Variants in DGKI observed in about 807,000 individuals in gnomAD.
DGKI encodes the protein DAG kinase iota.
In DGKI, 55 loss-of-function variants were observed where a neutral mutation model predicts 147.5. The ratio of observed to expected loss-of-function variants is 0.37; its 90% CI spans 0.30 to 0.47. The LOEUF is 0.47. Ranked by LOEUF, DGKI falls within the 20% of genes least tolerant of loss-of-function variation. The pLI is 1.00. For missense variants in DGKI, 1,007 were observed against 1,323.8 expected (o/e 0.76, Z 3.71); for synonymous variants, 469 against 477.1 (o/e 0.98, Z 0.22).
chr7:137,557,714 G>A (rs141129498), intron 19 of DGKI, among the ~76,000 whole-genome samples: 1,956 of 152,130 alleles, frequency 0.013, 28 homozygotes, highest in Non-Finnish European at 0.018. Context: ...CTCTCCAGGC[G>A]AACCTGTCCC....
intron 21 of DGKI, among the ~76,000 whole-genome samples, chr7:137,510,492 G>C (rs1467247282): frequency 3.3e-5 from 5 of 152,200 alleles, no homozygotes; most frequent in African/African-American, 9.6e-5. Flanking sequence ...GATAACAAAG[G>C]CTTGACTGTG....
rs962911804 is a variant in DGKI at position 137,767,567 on chromosome 7, AGAGAAG to A, written c.402-77571_402-77566del. 6.6e-5 allele frequency among the ~76,000 whole-genome samples: 10 copies of A among 151,050 alleles called. No individual in the cohort carries two copies. The East Asian group carries it at 7.8e-4, about 12-fold the overall frequency. ...AGGAAGAGGAAGAGAAGAGAAGAGA[AGAGAAG>A]GAGAAGGAGAAGAGAAGAGAAGAGA... On this transcript the variant is annotated intron_variant, in intron 1 of 32. Transcript: ENST00000614521.
At chr7:137,577,382 C>T in intron 16 of DGKI, 98 bp from the exon 17 acceptor site, 1 of 847,336 alleles carries the variant, frequency 1.2e-6, no homozygotes, top group South Asian at 1.6e-5. Flanking sequence ...CCAAAGTATG[C>T]AAAAATTCTA....
chr7:137,468,959 G>T (rs552623561), intron 24 of DGKI, among the ~76,000 whole-genome samples: 8 of 152,218 alleles, frequency 5.3e-5, no homozygotes, highest in Non-Finnish European at 8.8e-5. Flanking sequence ...TGCAATACGG[G>T]TAATTGGATA....
chr7:137,542,020 A>G (rs1165305253), intron 20 of DGKI, among the ~76,000 whole-genome samples: 1 of 152,330 alleles, frequency 6.6e-6, no homozygotes, highest in East Asian at 1.9e-4. Flanking sequence ...TGCAGAATAC[A>G]TGATGAACTC....
At chr7:137,563,240 A>G (rs750721405) in intron 19 of DGKI, among the ~76,000 whole-genome samples, 62 of 152,030 alleles carry the variant, frequency 4.1e-4, no homozygotes, top group Non-Finnish European at 7.8e-4. Context: ...GAAAGTAGGA[A>G]TGAAATGGAA....
At chr7:137,469,432 A>G in intron 24 of DGKI, 118 bp downstream of exon 24, 1 of 921,800 alleles carries the variant, frequency 1.1e-6, no homozygotes. Context: ...AGCCATGTGG[A>G]GTCACATGAA....
At chr7:137,392,188 C>T (rs1177497822) in intron 32 of DGKI, among the ~76,000 whole-genome samples, 1 of 152,020 alleles carries the variant, frequency 6.6e-6, no homozygotes, top group South Asian at 2.1e-4. Context: ...TTACAGACTA[C>T]TATAATGCCT....
At chr7:137,627,801 G>T (rs1441190203) in intron 6 of DGKI, among the ~76,000 whole-genome samples, 1 of 152,156 alleles carries the variant, frequency 6.6e-6, no homozygotes, top group Non-Finnish European at 1.5e-5. Flanking sequence ...TGAAACAAAA[G>T]CTGAGGAGAG....
At chr7:137,710,523 A>G (rs1794179343) in intron 1 of DGKI, among the ~76,000 whole-genome samples, 1 of 152,164 alleles carries the variant, frequency 6.6e-6, no homozygotes, top group Non-Finnish European at 1.5e-5. Flanking sequence ...ATAATGAGAA[A>G]AGATACACTT....
chr7:137,733,679 A>C (rs573992679), intron 1 of DGKI, among the ~76,000 whole-genome samples: 7 of 152,118 alleles, frequency 4.6e-5, no homozygotes, highest in Non-Finnish European at 1.0e-4. Context: ...GAAGAAACAG[A>C]CAATGAACAA....
chr7:137,466,797 G>T, intron 25 of DGKI, 105 bp downstream of exon 25: 2 of 1,137,736 alleles, frequency 1.8e-6, no homozygotes, highest in Non-Finnish European at 1.3e-6. Flanking sequence ...TCCAAAATTT[G>T]TGTCTCAGTG....
chr7:137,474,764 G>A (rs1402093629), intron 23 of DGKI, among the ~76,000 whole-genome samples: 1 of 152,184 alleles, frequency 6.6e-6, no homozygotes, highest in Non-Finnish European at 1.5e-5. Flanking sequence ...GATTGTATGG[G>A]ATCCAGCCCC....
chr7:137,533,221 C>A (rs1817403041), intron 20 of DGKI, among the ~76,000 whole-genome samples: 1 of 151,896 alleles, frequency 6.6e-6, no homozygotes, highest in Admixed American at 6.6e-5. Context: ...CTCAGGAGTT[C>A]AAGATTGCAA....
At chr7:137,615,546 T>C (rs13223731) in intron 8 of DGKI, among the ~76,000 whole-genome samples, 1 of 151,668 alleles carries the variant, frequency 6.6e-6, no homozygotes, top group Non-Finnish European at 1.5e-5. Flanking sequence ...TGTGTGTGTG[T>C]GTGTGTGTGT....
At chr7:137,658,893 C>CAACG (rs1413216788) in intron 3 of DGKI, among the ~76,000 whole-genome samples, 1 of 152,204 alleles carries the variant, frequency 6.6e-6, no homozygotes, top group Admixed American at 6.5e-5. Context: ...AACTGAAGTG[C>CAACG]AACGTTCCGC....
At chr7:137,720,037 C>T (rs1435698751) in intron 1 of DGKI, among the ~76,000 whole-genome samples, 11 of 152,182 alleles carry the variant, frequency 7.2e-5, no homozygotes, top group African/African-American at 2.4e-4. Flanking sequence ...TCTGGTCCCG[C>T]CTCACTGTAT....
intron 1 of DGKI, among the ~76,000 whole-genome samples, chr7:137,744,253 G>T (rs1225245600): frequency 1.3e-5 from 2 of 152,120 alleles, no homozygotes; most frequent in Non-Finnish European, 2.9e-5. Flanking sequence ...AAATTACTGT[G>T]AATATCTCTA....
intron 19 of DGKI, among the ~76,000 whole-genome samples, chr7:137,564,414 A>T (rs1818514317): frequency 6.6e-6 from 1 of 152,184 alleles, no homozygotes; most frequent in Non-Finnish European, 1.5e-5. Context: ...ATCAAAACAA[A>T]CACTAAAAAC....
Sources: allele counts gnomAD v4.1 joint callset (sites outside exome capture counted in the v4.1 genomes callset), GRCh38; gene constraint gnomAD v4.1.1; transcripts MANE v1.5; gene names NCBI Gene and HGNC (gene_info 2026-07-23, HGNC 2026-07-21).